Variants in RBFOX3 observed in about 807,000 individuals in gnomAD.
The protein encoded by RBFOX3 is RNA binding protein fox-1 homolog 3.
In RBFOX3, 17 loss-of-function variants were observed where a neutral mutation model predicts 48.7. That is an observed-to-expected ratio of 0.35 (90% CI 0.24 to 0.52). RBFOX3 has a LOEUF of 0.52. RBFOX3 is among the 20% of genes least tolerant of loss of function. The pLI is 0.94. For synonymous variants in RBFOX3, 212 were observed against 209.5 expected (o/e 1.01, Z -0.10); for missense variants, 382 against 497.5 (o/e 0.77, Z 2.21).
At chr17:79,620,374 T>C in the RBFOX3 span, among the ~76,000 whole-genome samples, 7 of 98,512 alleles carry the variant, frequency 7.1e-5, no homozygotes, top group African/African-American at 1.3e-4. Flanking sequence ...CACACGGACA[T>C]ACACACACAT....
Position 79,101,604 on chromosome 17 carries a change from GTCT to G in RBFOX3, c.545_547del (p.Lys182del), listed in dbSNP as rs1568129070. 6.4e-7 allele frequency: 1 copy of G among 1,551,182 alleles called. No homozygotes were observed. The highest frequency in any genetic ancestry group is 2.0e-5 in the Admixed American group (1 of 51,000). ...CTTACCGTTGGTGTAGGGGTTCCCC[GTCT>G]TCTTGTTGGTCATCACTCGGGCCGT... is the stretch of plus-strand genomic sequence containing the variant. On this transcript the variant is annotated inframe_deletion, in exon 9 of 15. Transcript: ENST00000693108.
At chr17:79,641,596 T>C in the RBFOX3 span, among the ~76,000 whole-genome samples, 1 of 152,208 alleles carries the variant, frequency 6.6e-6, no homozygotes, top group Admixed American at 6.5e-5. Context: ...AGACGTTACA[T>C]ACATAATAGA....
intron 2 of RBFOX3, among the ~76,000 whole-genome samples, chr17:79,378,966 T>C (rs2059559891): frequency 6.6e-6 from 1 of 152,124 alleles, no homozygotes; most frequent in African/African-American, 2.4e-5. Context: ...TGCACAAGCT[T>C]CGGAAAGCGG....
chr17:79,413,273 G>C (rs539454599), intron 2 of RBFOX3, among the ~76,000 whole-genome samples: 1 of 152,328 alleles, frequency 6.6e-6, no homozygotes, highest in Non-Finnish European at 1.5e-5. Flanking sequence ...GGTTACAAAG[G>C]CTGCACTTTC....
intron 2 of RBFOX3, among the ~76,000 whole-genome samples, chr17:79,406,790 G>C (rs1416795394): frequency 6.6e-6 from 1 of 152,192 alleles, no homozygotes; most frequent in Admixed American, 6.5e-5. Context: ...CCATGGGAAA[G>C]GGTGACTCCC....
At chr17:79,286,525 T>C (rs1382817005) in intron 3 of RBFOX3, among the ~76,000 whole-genome samples, 1 of 152,212 alleles carries the variant, frequency 6.6e-6, no homozygotes, top group African/African-American at 2.4e-5. Context: ...CCCCTGATGC[T>C]TATTAACTGT....
chr17:79,644,453 T>C, the RBFOX3 span, among the ~76,000 whole-genome samples: 1 of 152,106 alleles, frequency 6.6e-6, no homozygotes, highest in Non-Finnish European at 1.5e-5. Context: ...AGCAGTAACA[T>C]TGTTGAATTT....
chr17:79,264,687 C>T (rs1044920803), intron 3 of RBFOX3, among the ~76,000 whole-genome samples: 4 of 152,172 alleles, frequency 2.6e-5, no homozygotes, highest in Non-Finnish European at 5.9e-5. Flanking sequence ...CCAGTTCACC[C>T]ACCTGATGCT....
At chr17:79,176,992 C>A (rs377576797) in intron 4 of RBFOX3, among the ~76,000 whole-genome samples, 3 of 152,198 alleles carry the variant, frequency 2.0e-5, no homozygotes, top group Non-Finnish European at 4.4e-5. Context: ...CAGCTGCTGT[C>A]CCGGTCTGGG....
At chr17:79,618,300 CAG>C in the RBFOX3 span, among the ~76,000 whole-genome samples, 4 of 152,196 alleles carry the variant, frequency 2.6e-5, no homozygotes. Context: ...GCAGTCCACT[CAG>C]GGGCCCACAG....
At chr17:79,384,936 C>T (rs2060379462) in intron 2 of RBFOX3, among the ~76,000 whole-genome samples, 2 of 152,386 alleles carry the variant, frequency 1.3e-5, no homozygotes, top group African/African-American at 2.4e-5. Context: ...TGCTGCCCAC[C>T]CAAATTCTCC....
chr17:79,394,440 AAC>A (rs1399775148), intron 2 of RBFOX3, among the ~76,000 whole-genome samples: 1 of 152,084 alleles, frequency 6.6e-6, no homozygotes, highest in Non-Finnish European at 1.5e-5. Flanking sequence ...CCCCCTGGAA[AAC>A]AGTCTGGCTT....
chr17:79,459,017 T>C (rs1281691716), intron 2 of RBFOX3, among the ~76,000 whole-genome samples: 1 of 152,172 alleles, frequency 6.6e-6, no homozygotes, highest in East Asian at 1.9e-4. Flanking sequence ...CTGTGCCCAC[T>C]TCGTCCTTCT....
intron 2 of RBFOX3, among the ~76,000 whole-genome samples, chr17:79,420,565 G>A (rs2148727504): frequency 6.6e-6 from 1 of 152,310 alleles, no homozygotes; most frequent in East Asian, 1.9e-4. Context: ...CCAGGAGAAG[G>A]GGTCCACATT....
At chr17:79,333,902 G>A (rs1405416717) in intron 2 of RBFOX3, among the ~76,000 whole-genome samples, 5 of 151,976 alleles carry the variant, frequency 3.3e-5, no homozygotes, top group African/African-American at 9.7e-5. Context: ...AGATGCCGAG[G>A]TGTCTCCTCT....
chr17:79,434,030 C>G (rs2148915813), intron 2 of RBFOX3, among the ~76,000 whole-genome samples: 1 of 152,324 alleles, frequency 6.6e-6, no homozygotes, highest in Non-Finnish European at 1.5e-5. Context: ...TCCTGGCGCT[C>G]AGGAACACTG....
intron 2 of RBFOX3, among the ~76,000 whole-genome samples, chr17:79,321,138 A>C (rs965474372): frequency 1.3e-5 from 2 of 152,186 alleles, no homozygotes; most frequent in Non-Finnish European, 2.9e-5. Flanking sequence ...GAGATGGTCT[A>C]AAGCACAGGT....
chr17:79,118,529 A>G (rs918041169), intron 4 of RBFOX3, among the ~76,000 whole-genome samples: 7 of 152,170 alleles, frequency 4.6e-5, no homozygotes, highest in Admixed American at 3.9e-4. Context: ...TCAGGAAAAC[A>G]GGAGCAAGAG....
chr17:79,182,908 C>T (rs1361664178), intron 4 of RBFOX3, among the ~76,000 whole-genome samples: 1 of 150,920 alleles, frequency 6.6e-6, no homozygotes, highest in Non-Finnish European at 1.5e-5. Flanking sequence ...CCCCAGCGGC[C>T]CGGCGCGAAG....
Sources: gnomAD v4.1 joint callset for allele counts (sites outside exome capture counted in the v4.1 genomes callset) on GRCh38, gnomAD v4.1.1 for gene constraint, MANE v1.5 for transcripts, NCBI Gene and HGNC (gene_info 2026-07-23, HGNC 2026-07-21) for gene names.